The following AGBL4 variants were observed in gnomAD, a reference collection of about 807,000 sequenced individuals.
AGBL4 encodes the protein cytosolic carboxypeptidase 6.
A neutral mutation model predicts 66.4 loss-of-function variants in AGBL4; 58 were observed. The observed-to-expected ratio is 0.87, with a 90% CI of 0.71 to 1.09. The LOEUF (loss-of-function observed/expected upper bound fraction) is 1.09. Ranked by LOEUF, AGBL4 falls within the 50% of genes least tolerant of loss-of-function variation. AGBL4 has a pLI of 0.00. For missense variants in AGBL4, 579 were observed against 631.0 expected, an observed-to-expected ratio of 0.92 and a Z score of 0.88; for synonymous variants, 234 against 222.9, an observed-to-expected ratio of 1.05 and a Z score of -0.44.
intron 2 of AGBL4, among the ~76,000 whole-genome samples, chr1:49,770,852 G>T (rs1047507749): frequency 6.6e-6 from 1 of 152,010 alleles, no homozygotes; most frequent in Non-Finnish European, 1.5e-5. Flanking sequence ...GATATCAATT[G>T]TAATGTCTCC....
intron 3 of AGBL4, among the ~76,000 whole-genome samples, chr1:49,490,585 C>G (rs2148742500): frequency 6.6e-6 from 1 of 151,884 alleles, no homozygotes; most frequent in Admixed American, 6.6e-5. Context: ...AGACATACTT[C>G]TCTCAAATGT....
intron 4 of AGBL4, among the ~76,000 whole-genome samples, chr1:49,215,106 T>C (rs892684252): frequency 2.0e-5 from 3 of 152,098 alleles, no homozygotes; most frequent in Non-Finnish European, 2.9e-5. Context: ...TTTTTGTCTC[T>C]CAGGAGAGCC....
chr1:49,701,403 C>G (rs1016170606), intron 2 of AGBL4, among the ~76,000 whole-genome samples: 5 of 151,906 alleles, frequency 3.3e-5, no homozygotes, highest in Non-Finnish European at 7.4e-5. Context: ...CAGAAGGAAA[C>G]TTTTGGAGGT....
chr1:49,845,142 T>C (rs2148048946), intron 2 of AGBL4: 2 of 1,395,966 alleles, frequency 1.4e-6, no homozygotes, highest in South Asian at 1.2e-5. Flanking sequence ...ACCGTACGCA[T>C]ACAGGACAGA....
At chr1:48,617,571 C>A (rs1217897838) in intron 9 of AGBL4, among the ~76,000 whole-genome samples, 1 of 152,254 alleles carries the variant, frequency 6.6e-6, no homozygotes, top group African/African-American at 2.4e-5. Context: ...CTGCTATTCT[C>A]TTCCTACGTG....
chr1:49,907,915 G>A (rs1650436290), intron 1 of AGBL4, among the ~76,000 whole-genome samples: 1 of 151,934 alleles, frequency 6.6e-6, no homozygotes, highest in Non-Finnish European at 1.5e-5. Flanking sequence ...GGGGGTATGT[G>A]AGAAATCTCT....
intron 2 of AGBL4, among the ~76,000 whole-genome samples, chr1:49,742,940 T>A (rs1457711724): frequency 1.3e-5 from 2 of 152,038 alleles, no homozygotes; most frequent in Non-Finnish European, 2.9e-5. Flanking sequence ...CCTAAAACCA[T>A]AAAAACCCTA....
intron 7 of AGBL4, among the ~76,000 whole-genome samples, chr1:48,654,326 C>A (rs1041476286): frequency 1.1e-4 from 16 of 152,178 alleles, no homozygotes; most frequent in Non-Finnish European, 1.2e-4. Context: ...GATCCTGTCA[C>A]TCCCTCTTTG....
chr1:48,828,566 T>C (rs1646482085), intron 6 of AGBL4, among the ~76,000 whole-genome samples: 1 of 152,068 alleles, frequency 6.6e-6, no homozygotes, highest in South Asian at 2.1e-4. Flanking sequence ...TTTGGAGTGA[T>C]TTTTTTTCTT....
chr1:49,918,158 C>T (rs367995713), intron 1 of AGBL4, among the ~76,000 whole-genome samples: 1 of 152,116 alleles, frequency 6.6e-6, no homozygotes. Flanking sequence ...GACATCCTAA[C>T]ATCACAATTG....
At chr1:49,140,464 C>A (rs1196800971) in intron 4 of AGBL4, among the ~76,000 whole-genome samples, 1 of 152,180 alleles carries the variant, frequency 6.6e-6, no homozygotes, top group Non-Finnish European at 1.5e-5. Context: ...GGAAAACAAC[C>A]CAATCTTTTT....
intron 3 of AGBL4, among the ~76,000 whole-genome samples, chr1:49,573,809 A>C (rs964117248): frequency 6.6e-6 from 1 of 152,210 alleles, no homozygotes; most frequent in Non-Finnish European, 1.5e-5. Context: ...CCTGGAACTT[A>C]GAATGGGGAT....
At chr1:49,087,634 A>G (rs1644931642) in intron 4 of AGBL4, among the ~76,000 whole-genome samples, 1 of 152,224 alleles carries the variant, frequency 6.6e-6, no homozygotes, top group Non-Finnish European at 1.5e-5. Context: ...AAAGAGAGGG[A>G]GAAAAATCAA....
chr1:48,832,747 G>A (rs1047659464), intron 6 of AGBL4, among the ~76,000 whole-genome samples: 1 of 152,054 alleles, frequency 6.6e-6, no homozygotes, highest in Non-Finnish European at 1.5e-5. Flanking sequence ...CTCTGGTGTG[G>A]GTGAGCCTCA....
intron 5 of AGBL4, among the ~76,000 whole-genome samples, chr1:48,906,687 A>G (rs974176438): frequency 3.9e-5 from 6 of 152,132 alleles, no homozygotes; most frequent in African/African-American, 1.2e-4. Flanking sequence ...TTTGTGAGAA[A>G]GGTAAAAGGA....
chr1:49,470,977 G>A (rs1020209456), intron 3 of AGBL4, among the ~76,000 whole-genome samples: 2 of 151,996 alleles, frequency 1.3e-5, no homozygotes, highest in African/African-American at 4.8e-5. Context: ...CTCCAATGTG[G>A]GGGCTTGCCT....
At chr1:48,547,023 C>T (rs1011883353) in intron 11 of AGBL4, among the ~76,000 whole-genome samples, 2 of 151,856 alleles carry the variant, frequency 1.3e-5, no homozygotes, top group East Asian at 1.9e-4. Context: ...GTGACTGCAG[C>T]GGTACCTAAG....
Position 48,736,373 on chromosome 1 carries a change from G to A in AGBL4, c.635-73132C>T, listed in dbSNP as rs903388678. The A allele has an allele frequency of 6.2e-7, 1 of 1,613,930 alleles. No individual in the cohort carries two copies. The highest frequency in any genetic ancestry group is 2.2e-5 in the East Asian group (1 of 44,870). On this transcript the variant is annotated intron_variant, in intron 6 of 13. Coordinates refer to ENST00000371839, the MANE Select transcript of AGBL4 (RefSeq NM_032785.4). The surrounding 1 kb of genome is among the most constrained non-coding windows in gnomAD (Gnocchi z 4.0). ...CCAAATCATAACTGCCAAGTTCTTCGTGTACTTGGAATCTCCTTGGGTTAC... is the reference window on the plus strand; with the variant it reads ...CCAAATCATAACTGCCAAGTTCTTCATGTACTTGGAATCTCCTTGGGTTAC...
chr1:49,941,675 A>T (rs1419756525), intron 1 of AGBL4, among the ~76,000 whole-genome samples: 1 of 152,104 alleles, frequency 6.6e-6, no homozygotes, highest in African/African-American at 2.4e-5. Flanking sequence ...GACAAAATTA[A>T]AAATCTGTTC....
Sources: gnomAD v4.1 joint callset for allele counts (sites outside exome capture counted in the v4.1 genomes callset) on GRCh38, gnomAD v4.1.1 for gene constraint, Gnocchi (gnomAD v3.1) non-coding constraint, MANE v1.5 for transcripts, NCBI Gene and HGNC (gene_info 2026-07-23, HGNC 2026-07-21) for gene names.